EYS: variants seen among roughly 807,000 people sequenced by gnomAD.
The protein encoded by EYS is EGF-like photoreceptor maintenance factor.
EYS carries 250 observed loss-of-function variants against 282.1 expected under a neutral mutation model. The observed-to-expected ratio is 0.89, with a 90% CI of 0.80 to 0.98. EYS has a LOEUF of 0.98. Among genes scored for constraint, EYS ranks in the 50% least tolerant of loss-of-function variants. The probability of loss-of-function intolerance (pLI) is 0.00; values close to 1 mark genes in which losing one functional copy is unlikely to be tolerated. For missense variants in EYS, 4,016 were observed against 3,709.0 expected, an observed-to-expected ratio of 1.08 and a Z score of -2.15; for synonymous variants, 1,355 against 1,282.9, an observed-to-expected ratio of 1.06 and a Z score of -1.20.
chr6:64,688,863 C>T (rs1395056552), intron 22 of EYS, among the ~76,000 whole-genome samples: 1 of 152,060 alleles, frequency 6.6e-6, no homozygotes, highest in Non-Finnish European at 1.5e-5. Context: ...CAGCCAATAT[C>T]ATACTGAATG....
At chr6:64,864,492 T>C (rs2150050430) in intron 19 of EYS, among the ~76,000 whole-genome samples, 1 of 149,106 alleles carries the variant, frequency 6.7e-6, no homozygotes, top group Middle Eastern at 3.4e-3. Context: ...TTCAAGTGAT[T>C]CTCCTGCCTC....
intron 11 of EYS, among the ~76,000 whole-genome samples, chr6:65,322,393 AT>A (rs1769499352): frequency 6.6e-6 from 1 of 152,166 alleles, no homozygotes; most frequent in South Asian, 2.1e-4. Context: ...TTGCTTATGA[AT>A]AACAGTGAGA....
chr6:65,183,562 C>A (rs138418656), intron 12 of EYS, among the ~76,000 whole-genome samples: 13 of 151,988 alleles, frequency 8.6e-5, no homozygotes, highest in African/African-American at 3.1e-4. Context: ...TCATATCCTT[C>A]TTCCTTAATT....
intron 22 of EYS, among the ~76,000 whole-genome samples, chr6:64,725,964 A>G (rs1237559574): frequency 6.6e-6 from 1 of 152,150 alleles, no homozygotes; most frequent in African/African-American, 2.4e-5. Context: ...TCACTATGCA[A>G]TGTAAACAAA....
chr6:63,773,619 G>T (rs1042713271), intron 40 of EYS, among the ~76,000 whole-genome samples: 8 of 152,330 alleles, frequency 5.3e-5, no homozygotes, highest in African/African-American at 1.9e-4. Context: ...AACATTTTGA[G>T]CAGGAAAATG....
At chr6:64,665,786 C>G (rs9445107) in intron 22 of EYS, among the ~76,000 whole-genome samples, 30,167 of 151,946 alleles carry the variant, frequency 0.2, 3,467 homozygotes, top group East Asian at 0.34. Context: ...TTACTGTTTT[C>G]CAAAGCTGGG....
intron 5 of EYS, among the ~76,000 whole-genome samples, chr6:65,458,489 AAACAGCATAATTTATGCTGAC>A (rs1764710531): frequency 6.6e-6 from 1 of 152,104 alleles, no homozygotes; most frequent in South Asian, 2.1e-4. Context: ...TAATACCTAA[AAACAGCATAATTTATGCTGAC>A]TCAAATAAGG....
chr6:64,297,634 AAAC>A (rs980211562), intron 30 of EYS, among the ~76,000 whole-genome samples: 54 of 152,218 alleles, frequency 3.5e-4, no homozygotes, highest in African/African-American at 1.3e-3. Flanking sequence ...CACTGAAAGA[AAAC>A]AACTCTGTAA....
chr6:64,337,689 C>A (rs1212450655), intron 29 of EYS, among the ~76,000 whole-genome samples: 2 of 151,946 alleles, frequency 1.3e-5, no homozygotes, highest in African/African-American at 4.8e-5. Context: ...AAGAAAACTA[C>A]AGACCAATAT....
At chr6:64,720,794 T>C (rs1241689710) in intron 22 of EYS, among the ~76,000 whole-genome samples, 5 of 152,194 alleles carry the variant, frequency 3.3e-5, no homozygotes, top group Non-Finnish European at 7.3e-5. Context: ...TCTTTATCAA[T>C]CTATCCATCC....
At chr6:65,644,443 T>C (rs889743950) in intron 1 of EYS, among the ~76,000 whole-genome samples, 2 of 152,166 alleles carry the variant, frequency 1.3e-5, no homozygotes, top group Non-Finnish European at 2.9e-5. Flanking sequence ...TAAGAATAAT[T>C]GGTGTTTCCG....
rs1186427936 is a variant in EYS, at chr6:63,721,180, T to C, written c.8851A>G (p.Lys2951Glu). The C allele has an allele frequency of 9.7e-6, 15 of 1,551,668 alleles. No individual in the cohort carries two copies. The highest frequency in any genetic ancestry group is 1.1e-5 in the Non-Finnish European group (13 of 1,146,912). Residue 2951 changes from lysine (K) to glutamate (E), a missense_variant, in exon 43 of 43, where the codon AAA becomes GAA. Coordinates refer to ENST00000503581, the MANE Select transcript of EYS (RefSeq NM_001142800.2). ...LGWVGRYCENKTSFSTAKFMG... is the reference protein window; with the variant it reads ...LGWVGRYCENETSFSTAKFMG... The stretch of plus-strand genomic sequence containing the variant: ...AATTTTGCAGTTGAAAATGAAGTTT[T>C]GTTTTCACAATACCTTCCCACCCAA...
rs1406060043 is a variant in EYS, at chr6:64,169,092, T to A, written c.6424+61500A>T. Among the ~76,000 whole-genome samples, 4 of 152,304 alleles carry A rather than the reference T, an allele frequency of 2.6e-5. No individual in the cohort carries two copies. In the East Asian group the frequency reaches 5.8e-4, roughly 22 times the overall value. On this transcript the variant is annotated intron_variant, in intron 31 of 42. Transcript: ENST00000503581. ...GTATCAATTATTACCCTCCTTAGAT[T>A]TGTGAGCTCCATAACAGTAAAGGTC...
chr6:64,834,521 A>T (rs549412141), intron 19 of EYS, among the ~76,000 whole-genome samples: 1 of 151,812 alleles, frequency 6.6e-6, no homozygotes, highest in African/African-American at 2.4e-5. Flanking sequence ...ATCCATAATT[A>T]AAAAATCCAG....
intron 1 of EYS, among the ~76,000 whole-genome samples, chr6:65,650,499 T>C (rs1767616395): frequency 6.6e-6 from 1 of 152,228 alleles, no homozygotes. Flanking sequence ...CCAGGTGAGT[T>C]TGAAATATTG....
rs748939231 is a variant in EYS, at chr6:65,402,557, T to G, written c.1105A>C (p.Ser369Arg). The G allele has an allele frequency of 1.9e-6, 3 of 1,577,500 alleles. No homozygotes were observed. In the Admixed American group the frequency reaches 5.0e-5, roughly 26 times the overall value. The change falls in exon 7 of 43, where the codon AGC becomes CGC. Residue 369 changes from serine to arginine, a missense_variant. By Grantham distance (110) the Ser-to-Arg change is moderately radical. Transcript: ENST00000503581. ...AATGACTCACATGATGTTTGAATGC[T>G]CTTACAAAGCAAATCTGTAAATATT... ...SPIFTDLLCK[S>R]IQTSCESFPL... is the part of the protein sequence containing the mutation.
chr6:65,147,690 A>G (rs2150212953), intron 12 of EYS, among the ~76,000 whole-genome samples: 1 of 152,172 alleles, frequency 6.6e-6, no homozygotes, highest in Non-Finnish European at 1.5e-5. Flanking sequence ...TTTTGCTTCT[A>G]AACAAAATAC....
intron 13 of EYS, among the ~76,000 whole-genome samples, chr6:64,998,318 A>C (rs1264794789): frequency 6.6e-6 from 1 of 152,236 alleles, no homozygotes; most frequent in Non-Finnish European, 1.5e-5. Flanking sequence ...TATGAATTGC[A>C]GTTGGAGCAG....
At chr6:64,513,133 A>G (rs1265970933) in intron 26 of EYS, among the ~76,000 whole-genome samples, 1 of 151,924 alleles carries the variant, frequency 6.6e-6, no homozygotes, top group Non-Finnish European at 1.5e-5. Flanking sequence ...TAAATCTAAA[A>G]TTGATCAGGT....
Sources: allele counts gnomAD v4.1 joint callset (sites outside exome capture counted in the v4.1 genomes callset), GRCh38; gene constraint gnomAD v4.1.1; transcripts MANE v1.5; gene names NCBI Gene and HGNC (gene_info 2026-07-23, HGNC 2026-07-21).